Variants in COL4A3 observed in about 807,000 individuals in gnomAD.
COL4A3 encodes collagen alpha-3(IV) chain.
In COL4A3, 135 loss-of-function variants were observed where a neutral mutation model predicts 217.4. That is an observed-to-expected ratio of 0.62 (90% confidence interval 0.54 to 0.72). The LOEUF (loss-of-function observed/expected upper bound fraction) is 0.72, where lower values mean the gene tolerates loss of function less well. Among genes scored for constraint, COL4A3 ranks in the 30% least tolerant of loss-of-function variants. COL4A3 has a pLI of 0.00. For missense variants in COL4A3, 1,868 were observed against 2,119.9 expected, an observed-to-expected ratio of 0.88 and a Z score of 2.33; for synonymous variants, 690 against 736.3, an observed-to-expected ratio of 0.94 and a Z score of 1.02.
At chr2:227,194,169 T>C (rs1162689787) in intron 1 of COL4A3, among the ~76,000 whole-genome samples, 3 of 152,272 alleles carry the variant, frequency 2.0e-5, no homozygotes, top group Non-Finnish European at 1.5e-5. Context: ...ATACCTGTTA[T>C]ATCATCAGCA....
chr2:227,258,481 T>C (rs879597167), intron 18 of COL4A3, among the ~76,000 whole-genome samples: 2 of 152,206 alleles, frequency 1.3e-5, no homozygotes, highest in African/African-American at 2.4e-5. Flanking sequence ...GAGTAATTTG[T>C]AAAGAACAGA....
intron 43 of COL4A3, among the ~76,000 whole-genome samples, chr2:227,299,530 C>G (rs1329142175): frequency 6.6e-6 from 1 of 152,180 alleles, no homozygotes; most frequent in Non-Finnish European, 1.5e-5. Flanking sequence ...ATTATAGGAA[C>G]TACAATTCAA....
At chr2:227,305,114 A>T in intron 47 of COL4A3, 31 bp downstream of exon 47, 1 of 1,592,420 alleles carries the variant, frequency 6.3e-7, no homozygotes, top group South Asian at 1.1e-5. Context: ...CTCACCGAAG[A>T]AGTGCTATTT....
Position 227,240,216 on chromosome 2 carries a change from G to A in COL4A3, c.218G>A (p.Gly73Glu), listed in dbSNP as rs758977038. The change falls in exon 3 of 52, where the codon GGA becomes GAA. Residue 73 changes from glycine to glutamate, a missense_variant. Gly to Glu is a moderately conservative substitution (Grantham distance 98, BLOSUM62 -2). Coordinates refer to ENST00000396578, the MANE Select transcript of COL4A3 (RefSeq NM_000091.5). ...KGFTGPEGLP[G>E]PQGPKGFPGL... ...TTCACAGGTCCTGAAGGCTTGCCTGGACCGCAGGGACCCAAGGTATGTCAT... is the reference window on the plus strand; with the variant it reads ...TTCACAGGTCCTGAAGGCTTGCCTGAACCGCAGGGACCCAAGGTATGTCAT... The A allele has an allele frequency of 6.2e-7, 1 of 1,610,482 alleles. No homozygotes were observed. Among genetic ancestry groups the A allele is most frequent in the East Asian group, 2.2e-5 (1 of 44,802 alleles).
intron 43 of COL4A3, among the ~76,000 whole-genome samples, chr2:227,299,509 G>A (rs947971084): frequency 6.6e-6 from 1 of 152,170 alleles, no homozygotes; most frequent in African/African-American, 2.4e-5. Context: ...TCCTTCCCAG[G>A]ACATGTGGGG....
chr2:227,308,612 G>C (rs1458361433), intron 48 of COL4A3, among the ~76,000 whole-genome samples: 2 of 152,184 alleles, frequency 1.3e-5, no homozygotes, highest in Non-Finnish European at 2.9e-5. Flanking sequence ...ATACTTTGAA[G>C]CAAAAACACT....
intron 17 of COL4A3, among the ~76,000 whole-genome samples, chr2:227,257,102 C>T (rs775727806): frequency 1.1e-4 from 17 of 152,244 alleles, no homozygotes; most frequent in Admixed American, 2.6e-4. Flanking sequence ...ATCATATACA[C>T]AGTCCATCAC....
At chr2:227,187,876 A>G (rs1459995152) in intron 1 of COL4A3, among the ~76,000 whole-genome samples, 1 of 152,062 alleles carries the variant, frequency 6.6e-6, no homozygotes, top group East Asian at 1.9e-4. Flanking sequence ...AATGCCCCAT[A>G]TCTCCAGAGG....
At chr2:227,204,167 C>T (rs1465093223) in intron 1 of COL4A3, among the ~76,000 whole-genome samples, 3 of 152,032 alleles carry the variant, frequency 2.0e-5, no homozygotes, top group South Asian at 2.1e-4. Flanking sequence ...ATTTACTAGC[C>T]GGGTGACTTT....
intron 46 of COL4A3, 146 bp downstream of exon 46, chr2:227,304,290 A>C (rs2073411322): frequency 1.2e-5 from 12 of 1,034,210 alleles, no homozygotes; most frequent in Non-Finnish European, 1.7e-5. Flanking sequence ...GATTGAGCTC[A>C]TTTTACCCTT....
intron 46 of COL4A3, chr2:227,304,364 A>T: frequency 3.4e-6 from 2 of 580,972 alleles, no homozygotes; most frequent in Non-Finnish European, 6.1e-6. Context: ...ACTTGAACAA[A>T]TACACTTTAG....
chr2:227,248,460 A>G lies in COL4A3; in HGVS notation c.486A>G (p.Glu162=), dbSNP rs555907134. 3.7e-6 allele frequency: 6 copies of G among 1,612,124 alleles called. No homozygotes were observed. Among genetic ancestry groups the G allele is most frequent in the Non-Finnish European group, 3.4e-6 (4 of 1,178,302 alleles). ...LKGQKGAPAK[E]EDIELDAKGD... ...TTTTCAAGGGTGCTCCTGCTAAAGA[A>G]GAAGATATAGAACTTGATGCAAAAG... The change falls in exon 9 of 52, where the codon GAA becomes GAG. Residue 162 remains glutamate, a synonymous_variant. Coordinates refer to ENST00000396578, the MANE Select transcript of COL4A3 (RefSeq NM_000091.5).
chr2:227,257,454 T>C (rs1487943601), intron 17 of COL4A3, 149 bp from the exon 18 acceptor site: 1 of 710,050 alleles, frequency 1.4e-6, no homozygotes, highest in Non-Finnish European at 2.5e-6. Context: ...AGGAAAATAA[T>C]TTAAAGTCAG....
At chr2:227,294,369 G>A (rs1346612601) in intron 38 of COL4A3, 121 bp from the exon 39 acceptor site, 4 of 796,176 alleles carry the variant, frequency 5.0e-6, no homozygotes, top group Non-Finnish European at 9.1e-6. Flanking sequence ...CTTGCAACAA[G>A]AGAGCTTCCT....
intron 1 of COL4A3, among the ~76,000 whole-genome samples, chr2:227,213,901 CAAAAAAAAAAA>C (rs5839195): frequency 9.0e-5 from 8 of 89,324 alleles, no homozygotes; most frequent in Non-Finnish European, 1.7e-4. Context: ...AACTCTGTCT[CAAAAAAAAAAA>C]AAAAAAAGAA....
chr2:227,267,954 G>A (rs2071011845), intron 23 of COL4A3, among the ~76,000 whole-genome samples: 1 of 152,216 alleles, frequency 6.6e-6, no homozygotes, highest in South Asian at 2.1e-4. Context: ...CCCGTCTTCA[G>A]TCACAGAACT....
At chr2:227,252,068 C>CA (rs796320850) in intron 11 of COL4A3, among the ~76,000 whole-genome samples, 2,800 of 34,124 alleles carry the variant, frequency 0.082, 316 homozygotes, top group African/African-American at 0.14. Context: ...GGCACCATCT[C>CA]AAAAAAAAAA....
chr2:227,169,668 T>C (rs2065407249), intron 1 of COL4A3, among the ~76,000 whole-genome samples: 1 of 152,182 alleles, frequency 6.6e-6, no homozygotes, highest in Non-Finnish European at 1.5e-5. Context: ...TTCATGTGTT[T>C]TTTGGCTGCA....
At position 227,253,866 on chromosome 2, in the gene COL4A3, T is replaced by C. The variant is rs2069959037; in HGVS notation, c.765+228T>C. Among the ~76,000 whole-genome samples the C allele has an allele frequency of 6.6e-6, 1 of 151,560 alleles. No individual in the cohort carries two copies. The highest frequency in any genetic ancestry group is 1.5e-5 in the Non-Finnish European group (1 of 68,006). On this transcript the variant is annotated intron_variant, in intron 13 of 51. Transcript: ENST00000396578. The surrounding 1 kb of genome is among the most constrained non-coding windows in gnomAD (Gnocchi z 4.4). Reference sequence around the variant, plus strand: ...TCCAGCTTGGGCAACAGAGTGAGACTTCATTTAAAAAAAAAAACAACAAAA... The same window carrying C: ...TCCAGCTTGGGCAACAGAGTGAGACCTCATTTAAAAAAAAAAACAACAAAA...
Sources: gnomAD v4.1 joint callset for allele counts (sites outside exome capture counted in the v4.1 genomes callset) on GRCh38, gnomAD v4.1.1 for gene constraint, Gnocchi (gnomAD v3.1) non-coding constraint, MANE v1.5 for transcripts, NCBI Gene and HGNC (gene_info 2026-07-23, HGNC 2026-07-21) for gene names.